Variants in MGAM2 observed in about 807,000 individuals in gnomAD.
MGAM2 encodes probable maltase-glucoamylase 2.
Under a neutral mutation model 96.1 loss-of-function variants are expected in MGAM2, and 98 were observed. That is an observed-to-expected ratio of 1.02 (90% CI 0.87 to 1.21). The LOEUF (loss-of-function observed/expected upper bound fraction) is 1.21, where lower values mean the gene tolerates loss of function less well. Among genes scored for constraint, MGAM2 ranks in the 50% most tolerant of loss-of-function variants. MGAM2 has a pLI of 0.00. For synonymous variants in MGAM2, 749 were observed against 414.8 expected (o/e 1.81, Z -9.79); for missense variants, 2,055 against 1,182.4 (o/e 1.74, Z -10.82).
At chr7:142,132,526 T>C (rs1794921600) in intron 6 of MGAM2, among the ~76,000 whole-genome samples, 1 of 134,952 alleles carries the variant, frequency 7.4e-6, no homozygotes, top group Non-Finnish European at 1.5e-5. Context: ...AAATGTAATT[T>C]AAAATATATA....
chr7:142,196,672 CT>C, intron 39 of MGAM2, 27 bp from the exon 40 acceptor site: 1 of 769,752 alleles, frequency 1.3e-6, no homozygotes, highest in Non-Finnish European at 2.4e-6. Flanking sequence ...AAATTCCCAC[CT>C]CATGCTCTCA....
At chr7:142,191,270 T>G (rs1796860093) in intron 37 of MGAM2, among the ~76,000 whole-genome samples, 1 of 152,218 alleles carries the variant, frequency 6.6e-6, no homozygotes. Context: ...TTGGAGCACA[T>G]TTTTAAAAGT....
rs772726161 is a variant in MGAM2 at position 142,189,457 on chromosome 7, A to G, written c.4298A>G (p.Tyr1433Cys). The G allele has an allele frequency of 9.4e-6, 8 of 849,014 alleles. No homozygotes were observed. In the East Asian group the frequency reaches 1.1e-4, roughly 11 times the overall value. 52.6% of individuals were successfully genotyped at this position (849,014 alleles called of 1,614,324 possible). A position where few individuals can be genotyped will look rare whatever the true frequency, so the allele number is the denominator to read the frequency against. ...CCGGACAGCTCCCCCGTGGAGCACTACAACGTGCACAACCTGTACGGGTGG... is the reference window on the plus strand; with the variant it reads ...CCGGACAGCTCCCCCGTGGAGCACTGCAACGTGCACAACCTGTACGGGTGG... ...ILPDSSPVEH[Y>C]NVHNLYGWSQ... The change falls in exon 37 of 48, where the codon TAC (tyrosine) becomes TGC (cysteine). Residue 1433 changes from tyrosine (Y) to cysteine (C), a missense_variant. Transcript: ENST00000477922.
chr7:142,138,562 C>G lies in MGAM2; in HGVS notation c.981C>G (p.Phe327Leu), dbSNP rs6464465. Residue 327 changes from phenylalanine to leucine, a missense_variant, in exon 10 of 48, where the codon TTC (phenylalanine) becomes TTG (leucine). Transcript: ENST00000477922. ...EYLELVGRPF[F>L]PPYWSLGFQL... ...TTCAGCTTGTTGGACGGCCATTCTT[C>G]CCTCCCTATTGGAGTCTTGGGTTCC... 294,048 of 702,506 alleles carry G rather than the reference C, an allele frequency of 0.42. 66,704 individuals are homozygous for G. Among genetic ancestry groups the G allele is most frequent in the African/African-American group, 0.77 (44,304 of 57,274 alleles). The allele number at this position is 702,506 out of a possible 1,614,324, so 43.5% of individuals were successfully genotyped here. A position where few individuals can be genotyped will look rare whatever the true frequency, so the allele number is the denominator to read the frequency against.
At chr7:142,178,705 A>G (rs917635686) in intron 32 of MGAM2, among the ~76,000 whole-genome samples, 1 of 152,044 alleles carries the variant, frequency 6.6e-6, no homozygotes, top group East Asian at 1.9e-4. Flanking sequence ...GTAATGTGAT[A>G]TCTGTAGTTT....
chr7:142,141,235 G>A (rs928361819), intron 12 of MGAM2, 116 bp downstream of exon 12: 3 of 586,682 alleles, frequency 5.1e-6, no homozygotes, highest in African/African-American at 3.7e-5. Flanking sequence ...GGCTTTAGAG[G>A]TTTCTTTTAT....
intron 13 of MGAM2, chr7:142,144,103 A>AT (rs1184541443): frequency 3.0e-6 from 1 of 329,128 alleles, no homozygotes; most frequent in Non-Finnish European, 5.6e-6. Context: ...TGGTTATTTC[A>AT]TTTTGATAAA....
chr7:142,198,347 G>C (rs542959551), intron 43 of MGAM2, among the ~76,000 whole-genome samples, 152 bp downstream of exon 43: 2 of 152,244 alleles, frequency 1.3e-5, no homozygotes, highest in African/African-American at 4.8e-5. Flanking sequence ...GCATGTATAA[G>C]AGCATAGACG....
At chr7:142,177,753 C>G (rs1288963592) in intron 32 of MGAM2, among the ~76,000 whole-genome samples, 1 of 152,102 alleles carries the variant, frequency 6.6e-6, no homozygotes, top group African/African-American at 2.4e-5. Context: ...ACCATATTTT[C>G]TTTATCCAAT....
At chr7:142,208,254 T>A (rs1313199615) in intron 45 of MGAM2, 1 of 503,916 alleles carries the variant, frequency 2.0e-6, no homozygotes, top group Non-Finnish European at 3.9e-6. Flanking sequence ...CTCCTATGAC[T>A]ACATGCTTGC....
chr7:142,144,901 AC>A lies in MGAM2; in HGVS notation c.1474del (p.Gln492SerfsTer7). The A allele has an allele frequency of 1.4e-6, 1 of 702,844 alleles. No individual in the cohort carries two copies. Among genetic ancestry groups the A allele is most frequent in the Non-Finnish European group, 2.6e-6 (1 of 384,906 alleles). The allele number at this position is 702,844 out of a possible 1,614,324, so 43.5% of individuals were successfully genotyped here. On this transcript the variant is annotated frameshift_variant, in exon 14 of 48. Coordinates refer to ENST00000477922, the MANE Select transcript of MGAM2 (RefSeq NM_001293626.2). LOFTEE classifies it high-confidence loss of function. ...EVSSLLQASN[N>X]QCESNNLNFP... is the part of the protein sequence containing the mutation. ...TCTAGCTTACTCCAAGCTTCTAATA[AC>A]CAGTGTGAATCCAACAACTTGAACT...
chr7:142,173,283 C>T lies in MGAM2; in HGVS notation c.3616C>T (p.Arg1206Cys), dbSNP rs557194989. Residue 1206 changes from arginine to cysteine, a missense_variant, in exon 31 of 48, where the codon CGC (arginine) becomes TGC (cysteine). Transcript: ENST00000477922. ...CTGGGCCTTGGGATTCCATCTGAGT[C>T]GCTATGGATACCAGAATGATGCTGA... ...PYWALGFHLS[R>C]YGYQNDAEIS... 9 of 703,072 alleles carry T rather than the reference C, an allele frequency of 1.3e-5. No individual in the cohort carries two copies. Among genetic ancestry groups the T allele is most frequent in the Admixed American group, 4.0e-5 (2 of 49,990 alleles). The allele number at this position is 703,072 out of a possible 1,614,324, so 43.6% of individuals were successfully genotyped here.
At chr7:142,154,674 T>C in intron 16 of MGAM2, 55 bp from the exon 17 acceptor site, 1 of 696,650 alleles carries the variant, frequency 1.4e-6, no homozygotes, top group South Asian at 1.5e-5. Context: ...AAATCTTCAC[T>C]ACATGCTTTC....
intron 27 of MGAM2, among the ~76,000 whole-genome samples, chr7:142,170,630 G>A (rs998846557): frequency 6.6e-5 from 10 of 152,220 alleles, no homozygotes; most frequent in African/African-American, 9.6e-5. Context: ...TTCTTGTAAC[G>A]TTTGCTTCTG....
At chr7:142,214,285 A>G (rs550229951) in intron 46 of MGAM2, among the ~76,000 whole-genome samples, 2 of 152,330 alleles carry the variant, frequency 1.3e-5, no homozygotes, top group African/African-American at 4.8e-5. Flanking sequence ...CCTATTCAGC[A>G]TAGTATTGGA....
At chr7:142,172,547 T>C (rs1796228263) in intron 29 of MGAM2, 105 bp from the exon 30 acceptor site, 1 of 577,408 alleles carries the variant, frequency 1.7e-6, no homozygotes, top group Non-Finnish European at 3.1e-6. Context: ...AGAGAAGGCA[T>C]GTATCAAAGA....
chr7:142,176,981 G>C (rs1796398854), intron 32 of MGAM2, among the ~76,000 whole-genome samples: 2 of 151,930 alleles, frequency 1.3e-5, no homozygotes, highest in African/African-American at 4.8e-5. Flanking sequence ...TTATTTATTT[G>C]TTTATTTAAA....
intron 37 of MGAM2, among the ~76,000 whole-genome samples, chr7:142,190,982 C>T (rs1204628335): frequency 1.3e-5 from 2 of 151,920 alleles, no homozygotes; most frequent in African/African-American, 2.4e-5. Context: ...AAAAAACAAA[C>T]AAACTAGCCA....
chr7:142,119,102 T>C (rs1485635452), intron 2 of MGAM2, among the ~76,000 whole-genome samples: 1 of 152,174 alleles, frequency 6.6e-6, no homozygotes. Flanking sequence ...AGATGATGTA[T>C]CCGATGTTAG....
Sources: allele counts gnomAD v4.1 joint callset (sites outside exome capture counted in the v4.1 genomes callset), GRCh38; gene constraint gnomAD v4.1.1; transcripts MANE v1.5; gene names NCBI Gene and HGNC (gene_info 2026-07-23, HGNC 2026-07-21).